PDE8B: variants seen among roughly 807,000 people sequenced by gnomAD.
PDE8B encodes the protein high affinity cAMP-specific and IBMX-insensitive 3',5'-cyclic phosphodiesterase 8B.
Under a neutral mutation model 101.3 loss-of-function variants are expected in PDE8B, and 26 were observed. The ratio of observed to expected loss-of-function variants is 0.26; its 90% CI spans 0.19 to 0.36. The LOEUF (loss-of-function observed/expected upper bound fraction) is 0.36, where lower values mean the gene tolerates loss of function less well. Ranked by LOEUF, PDE8B falls within the 10% of genes least tolerant of loss-of-function variation. The pLI is 1.00. For missense variants in PDE8B, 810 were observed against 1,163.1 expected (o/e 0.70, Z 4.42); for synonymous variants, 424 against 429.3 (o/e 0.99, Z 0.15).
the PDE8B span, among the ~76,000 whole-genome samples, chr5:77,189,173 G>A: frequency 5.8e-4 from 89 of 152,278 alleles, no homozygotes; most frequent in Middle Eastern, 3.4e-3. Context: ...GGACACAGGC[G>A]GCCTAGGACA....
chr5:77,361,278 C>T (rs1031209916), intron 10 of PDE8B, among the ~76,000 whole-genome samples: 1 of 151,912 alleles, frequency 6.6e-6, no homozygotes, highest in Admixed American at 6.6e-5. Context: ...CAAATCAGGA[C>T]CTTTTTTTAA....
intron 4 of PDE8B, among the ~76,000 whole-genome samples, chr5:77,330,388 G>C (rs139096727): frequency 9.0e-4 from 137 of 152,174 alleles, no homozygotes; most frequent in African/African-American, 3.0e-3. Flanking sequence ...GATTTTTCCT[G>C]GTTTAATTAT....
chr5:77,296,343 CCTCAACTTCCTGGG>C (rs1368621565), intron 1 of PDE8B, among the ~76,000 whole-genome samples: 2 of 152,050 alleles, frequency 1.3e-5, no homozygotes, highest in African/African-American at 4.8e-5. Flanking sequence ...CTCACTGCAG[CCTCAACTTCCTGGG>C]CTCAAGCAAT....
At chr5:77,397,245 G>T (rs1401445037) in intron 10 of PDE8B, among the ~76,000 whole-genome samples, 3 of 151,740 alleles carry the variant, frequency 2.0e-5, no homozygotes, top group Non-Finnish European at 4.4e-5. Context: ...TGTTAGGCTG[G>T]TCTCGAACTC....
At chr5:77,256,738 A>G (rs757989521) in intron 1 of PDE8B, among the ~76,000 whole-genome samples, 1 of 152,218 alleles carries the variant, frequency 6.6e-6, no homozygotes, top group Non-Finnish European at 1.5e-5. Context: ...AGGTACTGCA[A>G]AGTTATTTAT....
intron 14 of PDE8B, 64 bp from the exon 15 acceptor site, chr5:77,411,612 A>G (rs1380319577): frequency 5.1e-5 from 67 of 1,307,128 alleles, no homozygotes; most frequent in Non-Finnish European, 6.7e-5. Flanking sequence ...ACTAATAATA[A>G]AAAAAAAAAG....
intron 6 of PDE8B, 34 bp from the exon 7 acceptor site, chr5:77,344,819 A>T: frequency 7.6e-7 from 1 of 1,316,388 alleles, no homozygotes; most frequent in Non-Finnish European, 1.1e-6. Context: ...TGGTTTTCAT[A>T]GAAGAACTAA....
At chr5:77,150,815 T>G in the PDE8B span, among the ~76,000 whole-genome samples, 1 of 152,146 alleles carries the variant, frequency 6.6e-6, no homozygotes, top group Admixed American at 6.5e-5. Context: ...AGAACTACCC[T>G]TATTTTTCAA....
In PDE8B at chr5:77,409,024, C is replaced by T. The variant is rs186753; in HGVS notation, c.1497C>T (p.Pro499=). ...AGCTGGGTACCAAAGATGAAGATCC[C>T]CACACCAGTGATCTTGTTGGAGGCC... ...SPQLGTKDED[P]HTSDLVGGLM... The change falls in exon 14 of 22, where the codon CCC becomes CCT. Residue 499 remains proline, a synonymous_variant. Coordinates refer to ENST00000264917, the MANE Select transcript of PDE8B (RefSeq NM_003719.5). The T allele has an allele frequency of 6.2e-7, 1 of 1,613,896 alleles. No homozygotes were observed. The highest frequency in any genetic ancestry group is 2.2e-5 in the East Asian group (1 of 44,876).
intron 1 of PDE8B, among the ~76,000 whole-genome samples, chr5:77,231,145 G>A (rs1005369178): frequency 1.3e-5 from 2 of 152,140 alleles, no homozygotes; most frequent in East Asian, 1.9e-4. Context: ...AAGAAATGGC[G>A]GTTAAAATAA....
Position 77,387,447 on chromosome 5 carries a change from TG to T in PDE8B, c.1168-12798del, listed in dbSNP as rs1788955625. Among the ~76,000 whole-genome samples the T allele has an allele frequency of 2.0e-5, 3 of 152,370 alleles. No homozygotes were observed. The South Asian group carries it at 6.2e-4, about 32-fold the overall frequency. On this transcript the variant is annotated intron_variant, in intron 10 of 21. Coordinates refer to ENST00000264917, the MANE Select transcript of PDE8B (RefSeq NM_003719.5). ...GCAGAGATATCTGCCGTTACTCTAA[TG>T]GGCTTCCCTTTGTGGGTAACCCGAC...
chr5:77,291,969 T>G (rs911292300), intron 1 of PDE8B, among the ~76,000 whole-genome samples: 1 of 151,588 alleles, frequency 6.6e-6, no homozygotes, highest in African/African-American at 2.4e-5. Flanking sequence ...ACTCCTTTTT[T>G]AAAAATCAAA....
upstream of PDE8B, among the ~76,000 whole-genome samples, chr5:77,209,750 A>G (rs1228460971): frequency 6.6e-6 from 1 of 152,192 alleles, no homozygotes; most frequent in Non-Finnish European, 1.5e-5. Flanking sequence ...GCTGGACGGG[A>G]TAGAAACCAG....
chr5:77,157,577 C>A, the PDE8B span, among the ~76,000 whole-genome samples: 6 of 152,148 alleles, frequency 3.9e-5, no homozygotes, highest in African/African-American at 1.4e-4. Flanking sequence ...CACATAGAGG[C>A]GTGATGGATA....
the PDE8B span, chr5:77,140,814 T>G: frequency 6.6e-6 from 1 of 152,186 alleles, no homozygotes; most frequent in Non-Finnish European, 1.5e-5. Flanking sequence ...CTAGGCTAAG[T>G]TATTGCTGTC....
chr5:77,331,513 C>G, intron 5 of PDE8B, 54 bp downstream of exon 5: 1 of 1,365,090 alleles, frequency 7.3e-7, no homozygotes, highest in Non-Finnish European at 1.0e-6. Context: ...TAACCCCTAA[C>G]TCTCCCATAA....
chr5:77,264,213 A>G (rs1317285530), intron 1 of PDE8B, among the ~76,000 whole-genome samples: 2 of 152,246 alleles, frequency 1.3e-5, no homozygotes, highest in Non-Finnish European at 2.9e-5. Context: ...ACTATTATGA[A>G]TAATGTTAAT....
chr5:77,240,086 C>CTT (rs113198520), intron 1 of PDE8B, among the ~76,000 whole-genome samples: 29 of 145,714 alleles, frequency 2.0e-4, no homozygotes, highest in East Asian at 1.8e-3. Context: ...TAAAATGAAG[C>CTT]TTTTTTTTTT....
intron 11 of PDE8B, among the ~76,000 whole-genome samples, chr5:77,403,416 A>T (rs1345355986): frequency 6.6e-6 from 1 of 152,138 alleles, no homozygotes; most frequent in Non-Finnish European, 1.5e-5. Flanking sequence ...AGAATCTAGA[A>T]GCCCATCTAG....
Sources: gnomAD v4.1 joint callset for allele counts (sites outside exome capture counted in the v4.1 genomes callset) on GRCh38, gnomAD v4.1.1 for gene constraint, MANE v1.5 for transcripts, NCBI Gene and HGNC (gene_info 2026-07-23, HGNC 2026-07-21) for gene names.